The following STT3B variants were observed in gnomAD, a reference collection of about 807,000 sequenced individuals.
The protein encoded by STT3B is dolichyl-diphosphooligosaccharide--protein glycosyltransferase subunit STT3B.
A neutral mutation model predicts 96.8 loss-of-function variants in STT3B; 29 were observed. The observed-to-expected ratio is 0.30, with a 90% CI of 0.22 to 0.41. The LOEUF (loss-of-function observed/expected upper bound fraction) is 0.41, where lower values mean the gene tolerates loss of function less well. Among genes scored for constraint, STT3B ranks in the 10% least tolerant of loss-of-function variants. The pLI, the probability that STT3B is intolerant of heterozygous loss-of-function variation, is 1.00. For synonymous variants in STT3B, 367 were observed against 360.0 expected, an observed-to-expected ratio of 1.02 and a Z score of -0.22; for missense variants, 640 against 1,022.3, an observed-to-expected ratio of 0.63 and a Z score of 5.10.
intron 1 of STT3B, among the ~76,000 whole-genome samples, chr3:31,533,997 A>T (rs1434989372): frequency 6.6e-6 from 1 of 152,180 alleles, no homozygotes; most frequent in African/African-American, 2.4e-5. Flanking sequence ...TTTATTTATC[A>T]TTAGGTATTT....
chr3:31,567,211 A>T (rs1698026900), intron 1 of STT3B, among the ~76,000 whole-genome samples: 1 of 152,178 alleles, frequency 6.6e-6, no homozygotes, highest in Non-Finnish European at 1.5e-5. Context: ...TTAAGGGGGC[A>T]CTGTGTTGAA....
intron 1 of STT3B, among the ~76,000 whole-genome samples, chr3:31,567,176 A>ATTAGGACCCTGGCTTTGCC (rs1435774625): frequency 6.6e-6 from 1 of 152,170 alleles, no homozygotes; most frequent in Non-Finnish European, 1.5e-5. Flanking sequence ...CTCAGAGCAA[A>ATTAGGACCCTGGCTTTGCC]TTAGGACCCT....
At chr3:31,575,980 T>C (rs1321228985) in intron 1 of STT3B, among the ~76,000 whole-genome samples, 1 of 152,158 alleles carries the variant, frequency 6.6e-6, no homozygotes, top group Non-Finnish European at 1.5e-5. Context: ...CTATGGTTTA[T>C]TCTCTTTATA....
At chr3:31,555,256 C>T (rs186872598) in intron 1 of STT3B, among the ~76,000 whole-genome samples, 22 of 152,268 alleles carry the variant, frequency 1.4e-4, no homozygotes, top group African/African-American at 4.6e-4. Context: ...TGCTCACTTA[C>T]TCTGTGCTGC....
intron 5 of STT3B, among the ~76,000 whole-genome samples, chr3:31,609,063 C>T (rs184607486): frequency 4.5e-4 from 68 of 152,130 alleles, no homozygotes; most frequent in African/African-American, 1.5e-3. Context: ...CGCAGTGAGC[C>T]GAGATCATGC....
chr3:31,578,452 C>T (rs1698305443), intron 2 of STT3B, among the ~76,000 whole-genome samples: 1 of 151,922 alleles, frequency 6.6e-6, no homozygotes, highest in African/African-American at 2.4e-5. Flanking sequence ...TTGGTTCTTT[C>T]ATTTAGTACT....
intron 1 of STT3B, among the ~76,000 whole-genome samples, chr3:31,567,175 A>G (rs1698026428): frequency 6.6e-6 from 1 of 152,158 alleles, no homozygotes; most frequent in South Asian, 2.1e-4. Context: ...ACTCAGAGCA[A>G]ATTAGGACCC....
intron 13 of STT3B, among the ~76,000 whole-genome samples, chr3:31,627,612 G>C (rs1206467417): frequency 6.6e-6 from 1 of 152,194 alleles, no homozygotes; most frequent in Admixed American, 6.5e-5. Context: ...ATGTATGCAG[G>C]TGTCGTGTGA....
chr3:31,623,934 A>G (rs1038034306), intron 11 of STT3B, 73 bp downstream of exon 11: 2 of 1,253,378 alleles, frequency 1.6e-6, no homozygotes. Flanking sequence ...GGATATAATT[A>G]AAAAATAGAA....
At chr3:31,607,880 G>A (rs1008159596) in intron 5 of STT3B, among the ~76,000 whole-genome samples, 3 of 152,080 alleles carry the variant, frequency 2.0e-5, no homozygotes, top group Non-Finnish European at 2.9e-5. Context: ...GATTACAGGC[G>A]TGAATCACTG....
intron 1 of STT3B, among the ~76,000 whole-genome samples, chr3:31,549,502 C>A (rs967409554): frequency 6.6e-6 from 1 of 151,182 alleles, no homozygotes; most frequent in Non-Finnish European, 1.5e-5. Flanking sequence ...TATTAGTTGT[C>A]CAACCACTTT....
intron 1 of STT3B, among the ~76,000 whole-genome samples, chr3:31,553,427 TCAG>T (rs1697619569): frequency 6.6e-6 from 1 of 152,186 alleles, no homozygotes. Flanking sequence ...GGAATACTAC[TCAG>T]CAGTAAAAAA....
chr3:31,558,659 G>A (rs1045632800), intron 1 of STT3B, among the ~76,000 whole-genome samples: 1 of 152,146 alleles, frequency 6.6e-6, no homozygotes, highest in Non-Finnish European at 1.5e-5. Context: ...TCTAGTTTTG[G>A]TATCTGGGTA....
In STT3B at chr3:31,589,387, GA is replaced by G. The variant is rs543404427; in HGVS notation, c.712-7404del. ...TTACGTAGACAATCATGTCATGCAC[GA>G]AAAAAAGTCAGCTTCATTTCTTCCT... On this transcript the variant is annotated intron_variant, in intron 3 of 15. Coordinates refer to ENST00000295770, the MANE Select transcript of STT3B (RefSeq NM_178862.3). Among the ~76,000 whole-genome samples the G allele has an allele frequency of 1.8e-4, 28 of 151,786 alleles. No homozygotes were observed. In the East Asian group the frequency reaches 4.6e-3, roughly 25 times the overall value.
At chr3:31,564,975 C>T (rs1697965879) in intron 1 of STT3B, among the ~76,000 whole-genome samples, 1 of 152,144 alleles carries the variant, frequency 6.6e-6, no homozygotes. Context: ...AATGGAAGTT[C>T]TGTATCTCTT....
intron 3 of STT3B, among the ~76,000 whole-genome samples, chr3:31,590,166 G>A (rs1369800408): frequency 1.3e-5 from 2 of 151,894 alleles, no homozygotes; most frequent in East Asian, 3.9e-4. Flanking sequence ...TTGGATTTCT[G>A]TACAATCTGT....
intron 1 of STT3B, among the ~76,000 whole-genome samples, chr3:31,550,442 A>G (rs1224927678): frequency 6.6e-6 from 1 of 152,200 alleles, no homozygotes; most frequent in African/African-American, 2.4e-5. Flanking sequence ...ATCAGTTGCA[A>G]GAGCAGAGAG....
chr3:31,635,279 G>A (rs1378359331), intron 15 of STT3B, among the ~76,000 whole-genome samples: 1 of 152,084 alleles, frequency 6.6e-6, no homozygotes, highest in African/African-American at 2.4e-5. Flanking sequence ...ATCCTGTGGG[G>A]TTCTAACATA....
intron 3 of STT3B, among the ~76,000 whole-genome samples, chr3:31,580,518 G>A (rs577180300): frequency 1.3e-5 from 2 of 152,150 alleles, no homozygotes; most frequent in East Asian, 1.9e-4. Flanking sequence ...GAAATATGAT[G>A]CTACTTGGGT....
Sources: gnomAD v4.1 joint callset for allele counts (sites outside exome capture counted in the v4.1 genomes callset) on GRCh38, gnomAD v4.1.1 for gene constraint, MANE v1.5 for transcripts, NCBI Gene and HGNC (gene_info 2026-07-23, HGNC 2026-07-21) for gene names.